ZFR: variants seen among roughly 807,000 people sequenced by gnomAD.
ZFR encodes zinc finger RNA binding protein.
A neutral mutation model predicts 130.7 loss-of-function variants in ZFR; 19 were observed. That is an observed-to-expected ratio of 0.15 (90% CI 0.10 to 0.21). ZFR has a LOEUF of 0.21. Ranked by LOEUF, ZFR falls within the 10% of genes least tolerant of loss-of-function variation. The probability of loss-of-function intolerance (pLI) is 1.00; values close to 1 mark genes in which losing one functional copy is unlikely to be tolerated. For missense variants in ZFR, 872 were observed against 1,321.5 expected, an observed-to-expected ratio of 0.66 and a Z score of 5.27; for synonymous variants, 466 against 456.9, an observed-to-expected ratio of 1.02 and a Z score of -0.25.
intron 19 of ZFR, among the ~76,000 whole-genome samples, chr5:32,359,706 T>C (rs1752388776): frequency 6.6e-6 from 1 of 152,174 alleles, no homozygotes; most frequent in African/African-American, 2.4e-5. Flanking sequence ...ATCCCAGCAC[T>C]TTGGGAGACC....
intron 15 of ZFR, 136 bp downstream of exon 15, chr5:32,385,372 G>A: frequency 1.0e-6 from 1 of 1,000,706 alleles, no homozygotes; most frequent in Non-Finnish European, 1.4e-6. Flanking sequence ...GGCAAAACCG[G>A]TTGCTAAATA....
At position 32,379,157 on chromosome 5, in the gene ZFR, G is replaced by A; in HGVS notation, c.2793C>T (p.Asp931=). Residue 931 remains aspartate, a synonymous_variant, in exon 17 of 20, where the codon GAC becomes GAT. Transcript: ENST00000265069. ...SCVIIIRILR[D]LCQRVPTWSD... is the part of the protein sequence containing the mutation. ...ACCAAGTTGGAACTCGCTGACAGAG[G>A]TCTCGAAGAATGCGTATGATAATCA... The A allele has an allele frequency of 6.2e-7, 1 of 1,613,930 alleles. No homozygotes were observed. The highest frequency in any genetic ancestry group is 1.3e-5 in the African/African-American group (1 of 75,024).
At chr5:32,419,526 C>T (rs538615069) in intron 3 of ZFR, among the ~76,000 whole-genome samples, 6 of 152,114 alleles carry the variant, frequency 3.9e-5, no homozygotes, top group Admixed American at 2.0e-4. Context: ...TTAGCAGAGA[C>T]GGGGTTTCGC....
At chr5:32,405,523 T>C (rs1201408683) in intron 6 of ZFR, among the ~76,000 whole-genome samples, 1 of 152,146 alleles carries the variant, frequency 6.6e-6, no homozygotes, top group African/African-American at 2.4e-5. Flanking sequence ...TTCCACATGC[T>C]GCTGTTAATC....
At position 32,423,940 on chromosome 5, in the gene ZFR, G is replaced by A. The variant is rs1754011197; in HGVS notation, c.138-3837C>T. The stretch of plus-strand genomic sequence containing the variant: ...TGTACCCAGCCAAACTATGGAGGCA[G>A]AATAAAGATTTTTTAACCACTCAAG... On this transcript the variant is annotated intron_variant, in intron 2 of 19. Transcript: ENST00000265069. Among the ~76,000 whole-genome samples the A allele has an allele frequency of 2.0e-5, 3 of 152,224 alleles. No homozygotes were observed. The South Asian group carries it at 6.2e-4, about 32-fold the overall frequency.
At chr5:32,435,405 A>G (rs1754311882) in intron 2 of ZFR, among the ~76,000 whole-genome samples, 1 of 152,232 alleles carries the variant, frequency 6.6e-6, no homozygotes, top group South Asian at 2.1e-4. Context: ...AATTTCGTAA[A>G]TGTGGGTGAA....
chr5:32,366,573 G>A (rs1243817492), intron 17 of ZFR, among the ~76,000 whole-genome samples: 2 of 152,164 alleles, frequency 1.3e-5, no homozygotes. Flanking sequence ...ACCATTTACT[G>A]TGAACTAAGC....
chr5:32,437,486 G>T (rs1754365246), intron 2 of ZFR, among the ~76,000 whole-genome samples: 1 of 152,074 alleles, frequency 6.6e-6, no homozygotes, highest in Non-Finnish European at 1.5e-5. Flanking sequence ...TGGCTTTCAT[G>T]AAATACTAAG....
intron 5 of ZFR, among the ~76,000 whole-genome samples, chr5:32,407,984 TAGG>T (rs559698310): frequency 3.9e-4 from 60 of 152,200 alleles, no homozygotes; most frequent in Non-Finnish European, 7.5e-4. Context: ...CCAGTAGTTA[TAGG>T]AGAATTTAAG....
chr5:32,379,006 A>C (rs1314141044), intron 17 of ZFR, 109 bp downstream of exon 17: 3 of 773,880 alleles, frequency 3.9e-6, no homozygotes, highest in Non-Finnish European at 6.1e-6. Context: ...AAGAAAAACT[A>C]TATTTAGTAA....
intron 2 of ZFR, among the ~76,000 whole-genome samples, chr5:32,431,247 T>C (rs895805978): frequency 6.6e-6 from 1 of 152,146 alleles, no homozygotes; most frequent in South Asian, 2.1e-4. Flanking sequence ...AAACAAGTAA[T>C]TGTGTCCAAC....
intron 17 of ZFR, among the ~76,000 whole-genome samples, chr5:32,376,776 T>C (rs1188101949): frequency 5.3e-5 from 8 of 152,030 alleles, no homozygotes; most frequent in Non-Finnish European, 1.2e-4. Flanking sequence ...CACCCAAGGT[T>C]AGCAGTTTGA....
chr5:32,425,197 GA>G (rs2111836318), intron 2 of ZFR, among the ~76,000 whole-genome samples: 1 of 152,298 alleles, frequency 6.6e-6, no homozygotes, highest in South Asian at 2.1e-4. Flanking sequence ...AATAAAACCA[GA>G]ATGCTTTAAA....
At chr5:32,444,171 A>G in intron 2 of ZFR, 58 bp downstream of exon 2, 3 of 1,547,202 alleles carry the variant, frequency 1.9e-6, no homozygotes, top group Non-Finnish European at 2.6e-6. Flanking sequence ...TCGCATCGAC[A>G]GGATCCGGAC....
intron 17 of ZFR, among the ~76,000 whole-genome samples, chr5:32,366,487 A>C (rs1031557356): frequency 2.0e-5 from 3 of 152,248 alleles, no homozygotes; most frequent in African/African-American, 7.2e-5. Context: ...GTCAAGAAAG[A>C]AATCAATTAT....
rs1271484162 is a variant in ZFR, at chr5:32,444,223, C to G, written c.137+6G>C. 5.6e-6 allele frequency: 9 copies of G among 1,595,476 alleles called. No individual in the cohort carries two copies. The highest frequency in any genetic ancestry group is 7.7e-6 in the Non-Finnish European group (9 of 1,172,470). On this transcript the variant is annotated splice_donor_region_variant and intron_variant, in intron 2 of 19. Coordinates refer to ENST00000265069, the MANE Select transcript of ZFR (RefSeq NM_016107.5). Reference sequence around the variant, plus strand: ...GGCGAACAGAGAGAAGGCAGGATGCCGTTACCTATATTGGGCCGCAGCCGC... The same window carrying G: ...GGCGAACAGAGAGAAGGCAGGATGCGGTTACCTATATTGGGCCGCAGCCGC...
intron 5 of ZFR, among the ~76,000 whole-genome samples, chr5:32,412,745 A>G (rs765432011): frequency 3.9e-5 from 6 of 152,230 alleles, no homozygotes; most frequent in Non-Finnish European, 8.8e-5. Context: ...TTGCTTATAA[A>G]CTTATATTGC....
chr5:32,431,903 G>T (rs1429048613), intron 2 of ZFR, among the ~76,000 whole-genome samples: 2 of 151,946 alleles, frequency 1.3e-5, no homozygotes, highest in African/African-American at 2.4e-5. Flanking sequence ...GCAAGATCAT[G>T]GCTCACTGCA....
chr5:32,419,230 A>C (rs1300830609), intron 3 of ZFR, among the ~76,000 whole-genome samples: 1 of 152,248 alleles, frequency 6.6e-6, no homozygotes, highest in East Asian at 1.9e-4. Context: ...AAACAATGAA[A>C]TATTTAACTA....
Sources: allele counts gnomAD v4.1 joint callset (sites outside exome capture counted in the v4.1 genomes callset), GRCh38; gene constraint gnomAD v4.1.1; transcripts MANE v1.5; gene names NCBI Gene and HGNC (gene_info 2026-07-23, HGNC 2026-07-21).